Variants in RAD51AP1 observed in about 807,000 individuals in gnomAD.
The protein encoded by RAD51AP1 is RAD51-associated protein 1.
Under a neutral mutation model 34.3 loss-of-function variants are expected in RAD51AP1, and 14 were observed. That is an observed-to-expected ratio of 0.41 (90% confidence interval 0.27 to 0.64). RAD51AP1 has a LOEUF of 0.64. Among genes scored for constraint, RAD51AP1 ranks in the 30% least tolerant of loss-of-function variants. The pLI is 0.33. For synonymous variants in RAD51AP1, 114 were observed against 129.8 expected (o/e 0.88, Z 0.83); for missense variants, 348 against 386.9 (o/e 0.90, Z 0.84).
At chr12:4,545,736 A>G (rs1591771415) in intron 3 of RAD51AP1, 1 of 1,603,580 alleles carries the variant, frequency 6.2e-7, no homozygotes, top group Non-Finnish European at 8.5e-7. Context: ...TTTATAGGAT[A>G]ATTATTAGCA....
At position 4,548,113 on chromosome 12, in the gene RAD51AP1, G is replaced by A; in HGVS notation, c.341G>A (p.Ser114Asn). The A allele has an allele frequency of 6.2e-7, 1 of 1,600,674 alleles. No homozygotes were observed. The highest frequency in any genetic ancestry group is 8.5e-7 in the Non-Finnish European group (1 of 1,176,644). The part of the protein sequence containing the change: ...QDKSIEKHGS[S>N]KIETMNKSPH... ...TTAGGCATTGAAAAACATGGCAGTA[G>A]TAAAATAGAAACAATGAATAAGTCT... is the stretch of plus-strand genomic sequence containing the variant. Residue 114 changes from serine (S) to asparagine (N), a missense_variant, in exon 5 of 9, where the codon AGT becomes AAT. Transcript: ENST00000352618.
At position 4,538,920 on chromosome 12, in the gene RAD51AP1, A is replaced by T. The variant is rs766358339; in HGVS notation, c.-20A>T. ...CAACAAGAATTTGAGAACTGTAAATACCAAGCCTTGAAAGGGACCATGGTG... is the reference window on the plus strand; with the variant it reads ...CAACAAGAATTTGAGAACTGTAAATTCCAAGCCTTGAAAGGGACCATGGTG... On this transcript the variant is annotated 5_prime_UTR_variant, in exon 1 of 9. Transcript: ENST00000352618. 4.8e-5 allele frequency: 78 copies of T among 1,613,844 alleles called. 1 individual carries two copies. The highest frequency in any genetic ancestry group is 4.2e-6 in the Non-Finnish European group (5 of 1,179,850).
intron 3 of RAD51AP1, 145 bp downstream of exon 3, chr12:4,544,049 T>A: frequency 1.8e-6 from 1 of 566,302 alleles, no homozygotes; most frequent in Non-Finnish European, 2.9e-6. Context: ...CAGGACGTAC[T>A]ATTTTTTTCT....
intron 7 of RAD51AP1, among the ~76,000 whole-genome samples, chr12:4,555,219 C>G (rs1258573414): frequency 6.6e-6 from 1 of 152,134 alleles, no homozygotes; most frequent in Non-Finnish European, 1.5e-5. Context: ...AAACATACTT[C>G]CAGGCTTGTG....
Position 4,559,627 on chromosome 12 carries a change from G to A in RAD51AP1, c.*634G>A, listed in dbSNP as rs1046299169. On this transcript the variant is annotated 3_prime_UTR_variant, in exon 9 of 9. Transcript: ENST00000352618. Reference sequence around the variant, plus strand: ...AATAAAAGTGGAAATATTTTGAAATGCCCTTTTTCTTGATACCACTCATCC... The same window carrying A: ...AATAAAAGTGGAAATATTTTGAAATACCCTTTTTCTTGATACCACTCATCC... 1 of 152,162 alleles carries A rather than the reference G, an allele frequency of 6.6e-6. No individual in the cohort carries two copies. The highest frequency in any genetic ancestry group is 2.4e-5 in the African/African-American group (1 of 41,450). The allele number at this position is 152,162 out of a possible 1,614,324, so 9.4% of individuals were successfully genotyped here. A position where few individuals can be genotyped will look rare whatever the true frequency, so the allele number is the denominator to read the frequency against.
Position 4,546,556 on chromosome 12 carries a change from C to T in RAD51AP1, c.319+138C>T, listed in dbSNP as rs56701803. 2,166 of 566,696 alleles carry T rather than the reference C, an allele frequency of 3.8e-3. 51 individuals are homozygous for T. The highest frequency in any genetic ancestry group is 0.037 in the African/African-American group (1,967 of 52,712). The allele number at this position is 566,696 out of a possible 1,614,324, so 35.1% of individuals were successfully genotyped here. A position where few individuals can be genotyped will look rare whatever the true frequency, so the allele number is the denominator to read the frequency against. On this transcript the variant is annotated intron_variant, in intron 4 of 8. Transcript: ENST00000352618. ...TAAATAGACCCATTTGCAGAGAATA[C>T]GATTGGATTTAGTTCTTAATTCAGC...
rs1406759292 is a variant in RAD51AP1, at chr12:4,559,294, T to TG, written c.*302dup. ...GCTGTTCTTTTCTAGTTACATGATGTGCCTTTCTAGCTTTGTCTAGTTTAT... is the reference window on the plus strand; with the variant it reads ...GCTGTTCTTTTCTAGTTACATGATGTGGCCTTTCTAGCTTTGTCTAGTTTAT... On this transcript the variant is annotated 3_prime_UTR_variant, in exon 9 of 9. Coordinates refer to ENST00000352618, the MANE Select transcript of RAD51AP1 (RefSeq NM_006479.5). 4.6e-6 allele frequency: 1 copy of TG among 218,988 alleles called. No individual in the cohort carries two copies. Among genetic ancestry groups the TG allele is most frequent in the Middle Eastern group, 1.5e-3 (1 of 650 alleles). 13.6% of individuals were successfully genotyped at this position (218,988 alleles called of 1,614,324 possible).
chr12:4,557,332 C>T (rs1340314880), intron 8 of RAD51AP1, among the ~76,000 whole-genome samples: 1 of 152,100 alleles, frequency 6.6e-6, no homozygotes, highest in Non-Finnish European at 1.5e-5. Flanking sequence ...GTCCACAGTG[C>T]TCACTCCCCT....
intron 4 of RAD51AP1, 107 bp downstream of exon 4, chr12:4,546,525 G>A (rs1591771738): frequency 2.8e-6 from 2 of 717,100 alleles, no homozygotes; most frequent in East Asian, 5.4e-5. Flanking sequence ...TGAATACTTT[G>A]CACTATAAAT....
In RAD51AP1 at chr12:4,558,942, G is replaced by A; in HGVS notation, c.957G>A (p.Leu319=). 1 of 1,614,156 alleles carries A rather than the reference G, an allele frequency of 6.2e-7. No individual in the cohort carries two copies. The highest frequency in any genetic ancestry group is 8.5e-7 in the Non-Finnish European group (1 of 1,179,990). The change falls in exon 9 of 9, where the codon TTG becomes TTA. Residue 319 remains leucine (L), a synonymous_variant. Transcript: ENST00000352618. The part of the protein sequence containing the change: ...KSPNQSLRLG[L]SRLARVKPLH... ...CCAATCAGAGTCTCCGCCTTGGCTTGTCCAGATTAGCACGAGTTAAACCTT... is the reference window on the plus strand; with the variant it reads ...CCAATCAGAGTCTCCGCCTTGGCTTATCCAGATTAGCACGAGTTAAACCTT...
At chr12:4,558,495 C>T (rs1033046299) in intron 8 of RAD51AP1, among the ~76,000 whole-genome samples, 3 of 152,276 alleles carry the variant, frequency 2.0e-5, no homozygotes, top group African/African-American at 7.2e-5. Context: ...TCAAGGACTA[C>T]TTGTAAAAAT....
intron 8 of RAD51AP1, 45 bp from the exon 9 acceptor site, chr12:4,558,812 G>T: frequency 6.3e-7 from 1 of 1,589,238 alleles, no homozygotes; most frequent in Non-Finnish European, 8.6e-7. Flanking sequence ...TCTTTGTTAA[G>T]AGATTTCTGA....
intron 8 of RAD51AP1, among the ~76,000 whole-genome samples, chr12:4,558,378 A>T (rs1944597147): frequency 1.3e-5 from 2 of 152,206 alleles, no homozygotes; most frequent in African/African-American, 4.8e-5. Flanking sequence ...ATTTTGAAAT[A>T]GATGGAAATA....
chr12:4,555,935 C>G (rs1356414862), intron 7 of RAD51AP1, among the ~76,000 whole-genome samples: 1 of 152,184 alleles, frequency 6.6e-6, no homozygotes, highest in Non-Finnish European at 1.5e-5. Context: ...GTTTCTAACC[C>G]TAGAGCCTGA....
intron 3 of RAD51AP1, chr12:4,545,813 A>G: frequency 4.3e-6 from 7 of 1,613,246 alleles, no homozygotes; most frequent in Non-Finnish European, 5.9e-6. Context: ...TATTCCAGCT[A>G]GTGCAGTGCC....
At position 4,559,974 on chromosome 12, in the gene RAD51AP1, T is replaced by A. The variant is rs1238520919; in HGVS notation, c.*981T>A. 6.6e-6 allele frequency: 1 copy of A among 152,232 alleles called. No homozygotes were observed. Among genetic ancestry groups the A allele is most frequent in the Non-Finnish European group, 1.5e-5 (1 of 68,042 alleles). The allele number at this position is 152,232 out of a possible 1,614,324, so 9.4% of individuals were successfully genotyped here. ...AAAATGTATAATAACTCAGTTTTTC[T>A]TGGTTTATGGAAATATCTATATTAA... On this transcript the variant is annotated 3_prime_UTR_variant, in exon 9 of 9. Coordinates refer to ENST00000352618, the MANE Select transcript of RAD51AP1 (RefSeq NM_006479.5).
At chr12:4,548,044 C>T in intron 4 of RAD51AP1, 48 bp from the exon 5 acceptor site, 1 of 1,520,140 alleles carries the variant, frequency 6.6e-7, no homozygotes, top group South Asian at 1.3e-5. Flanking sequence ...TATATCTAGA[C>T]ATTGATTAAG....
At chr12:4,542,070 C>A in intron 2 of RAD51AP1, 137 bp downstream of exon 2, 6 of 424,646 alleles carry the variant, frequency 1.4e-5, no homozygotes, top group Non-Finnish European at 1.3e-5. Flanking sequence ...GTTTTCTAAT[C>A]ATTTGGGATA....
At chr12:4,545,201 A>G (rs936069501) in intron 3 of RAD51AP1, 6 of 453,808 alleles carry the variant, frequency 1.3e-5, no homozygotes, top group African/African-American at 1.2e-4. Flanking sequence ...GGTTTCCACA[A>G]AATGGAATAT....
Sources: gnomAD v4.1 joint callset for allele counts (sites outside exome capture counted in the v4.1 genomes callset) on GRCh38, gnomAD v4.1.1 for gene constraint, MANE v1.5 for transcripts, NCBI Gene and HGNC (gene_info 2026-07-23, HGNC 2026-07-21) for gene names.